Variants in SLC9A9 observed in about 807,000 individuals in gnomAD.
SLC9A9 encodes the protein sodium/hydrogen exchanger 9.
A neutral mutation model predicts 77.8 loss-of-function variants in SLC9A9; 62 were observed. That is an observed-to-expected ratio of 0.80 (90% confidence interval 0.65 to 0.98). SLC9A9 has a LOEUF of 0.98. SLC9A9 is among the 50% of genes least tolerant of loss of function. The pLI, the probability that SLC9A9 is intolerant of heterozygous loss-of-function variation, is 0.00. For missense variants in SLC9A9, 775 were observed against 774.9 expected (o/e 1.00, Z 0.00); for synonymous variants, 320 against 283.5 (o/e 1.13, Z -1.29).
At chr3:143,620,396 T>C (rs1279477731) in intron 6 of SLC9A9, 1 of 152,258 alleles carries the variant, frequency 6.6e-6, no homozygotes, top group East Asian at 1.9e-4. Flanking sequence ...AACACTCAAG[T>C]GTTAAAATTT....
intron 13 of SLC9A9, among the ~76,000 whole-genome samples, chr3:143,365,632 T>C (rs1039812366): frequency 6.6e-6 from 1 of 152,182 alleles, no homozygotes; most frequent in Non-Finnish European, 1.5e-5. Context: ...GTGCCATGCC[T>C]TGTTATCTAT....
rs995422089 is a variant in SLC9A9 at position 143,266,431 on chromosome 3, T to C, written c.*271A>G. ...CACAGCTGTCCCATCCTCCAGCAGCTAGACTCCTGATACCTCCATCCCCAC... is the reference window on the plus strand; with the variant it reads ...CACAGCTGTCCCATCCTCCAGCAGCCAGACTCCTGATACCTCCATCCCCAC... On this transcript the variant is annotated 3_prime_UTR_variant, in exon 16 of 16. Coordinates refer to ENST00000316549, the MANE Select transcript of SLC9A9 (RefSeq NM_173653.4). 7.2e-6 allele frequency: 4 copies of C among 555,074 alleles called. No individual in the cohort carries two copies. Among genetic ancestry groups the C allele is most frequent in the African/African-American group, 5.6e-5 (3 of 53,214 alleles). 34.4% of individuals were successfully genotyped at this position (555,074 alleles called of 1,614,324 possible). A position where few individuals can be genotyped will look rare whatever the true frequency, so the allele number is the denominator to read the frequency against.
intron 2 of SLC9A9, among the ~76,000 whole-genome samples, chr3:143,822,936 G>T (rs1182266010): frequency 2.0e-5 from 3 of 152,016 alleles, no homozygotes; most frequent in African/African-American, 7.3e-5. Flanking sequence ...AGACTTTTTA[G>T]CAGTTCAGTC....
At chr3:143,448,116 G>A (rs539567078) in intron 12 of SLC9A9, among the ~76,000 whole-genome samples, 1 of 152,280 alleles carries the variant, frequency 6.6e-6, no homozygotes, top group African/African-American at 2.4e-5. Context: ...AGTAGAATGT[G>A]CTTCATTGGC....
At chr3:143,698,475 G>A (rs1292063738) in intron 4 of SLC9A9, among the ~76,000 whole-genome samples, 1 of 152,042 alleles carries the variant, frequency 6.6e-6, no homozygotes, top group East Asian at 1.9e-4. Context: ...GCATAAAAGG[G>A]GATTTGGGAA....
At chr3:143,752,953 A>G (rs1204660764) in intron 4 of SLC9A9, among the ~76,000 whole-genome samples, 1 of 152,204 alleles carries the variant, frequency 6.6e-6, no homozygotes, top group African/African-American at 2.4e-5. Flanking sequence ...AGGAGTCCCT[A>G]TTGATGATCC....
intron 12 of SLC9A9, among the ~76,000 whole-genome samples, chr3:143,401,833 C>T (rs774816957): frequency 6.6e-6 from 1 of 152,120 alleles, no homozygotes; most frequent in Non-Finnish European, 1.5e-5. Context: ...GAACAGAATC[C>T]ACTTATGATG....
chr3:143,820,384 CTA>C (rs2009135733), intron 2 of SLC9A9, among the ~76,000 whole-genome samples: 1 of 152,208 alleles, frequency 6.6e-6, no homozygotes, highest in Non-Finnish European at 1.5e-5. Context: ...AGAAACTCTT[CTA>C]TGTTTTGCGT....
At chr3:143,384,432 C>T (rs1368892820) in intron 12 of SLC9A9, among the ~76,000 whole-genome samples, 2 of 152,156 alleles carry the variant, frequency 1.3e-5, no homozygotes, top group Non-Finnish European at 1.5e-5. Context: ...AACTGAGGAT[C>T]ATGGGGCTCC....
intron 13 of SLC9A9, among the ~76,000 whole-genome samples, 171 bp from the exon 14 acceptor site, chr3:143,363,734 T>C (rs911230677): frequency 3.3e-5 from 5 of 152,218 alleles, no homozygotes; most frequent in African/African-American, 1.2e-4. Context: ...CTCATAAATC[T>C]TGCTATGTGG....
chr3:143,336,594 C>T (rs1039302952), intron 14 of SLC9A9, among the ~76,000 whole-genome samples: 2 of 152,128 alleles, frequency 1.3e-5, no homozygotes, highest in African/African-American at 4.8e-5. Context: ...TCACATGCTA[C>T]AACATAGATG....
intron 14 of SLC9A9, among the ~76,000 whole-genome samples, chr3:143,316,192 T>C (rs1345060956): frequency 6.6e-6 from 1 of 152,142 alleles, no homozygotes; most frequent in African/African-American, 2.4e-5. Flanking sequence ...CACCTGTCAC[T>C]CACGAGATAA....
chr3:143,472,343 G>A (rs1288698704), intron 11 of SLC9A9, among the ~76,000 whole-genome samples: 4 of 152,184 alleles, frequency 2.6e-5, no homozygotes, highest in Admixed American at 2.0e-4. Flanking sequence ...CAAATCGTGA[G>A]CATCGTCATG....
chr3:143,629,574 T>C (rs540115170), intron 6 of SLC9A9, among the ~76,000 whole-genome samples: 55 of 143,486 alleles, frequency 3.8e-4, no homozygotes, highest in Admixed American at 6.8e-4. Context: ...TGTGTGTGCG[T>C]GTGTGTGTGT....
In SLC9A9 at chr3:143,498,793, A is replaced by G. The variant is rs114330362; in HGVS notation, c.1090-3345T>C. 8.1e-3 allele frequency among the ~76,000 whole-genome samples: 1,229 copies of G among 152,188 alleles called. 6 individuals are homozygous for G. The highest frequency in any genetic ancestry group is 0.017 in the South Asian group (84 of 4,820). The stretch of plus-strand genomic sequence containing the variant: ...CACAAATTAGCTTTTCTTGTTTTTC[A>G]GTTTTATATGAATGGAATTGGACAA... On this transcript the variant is annotated intron_variant, in intron 9 of 15. Transcript: ENST00000316549.
intron 11 of SLC9A9, among the ~76,000 whole-genome samples, chr3:143,490,752 C>T (rs2035729513): frequency 6.6e-6 from 1 of 152,074 alleles, no homozygotes; most frequent in Non-Finnish European, 1.5e-5. Context: ...CTATGAGTCT[C>T]AAAACAGTGC....
At chr3:143,393,853 G>T (rs538839643) in intron 12 of SLC9A9, among the ~76,000 whole-genome samples, 43 of 152,226 alleles carry the variant, frequency 2.8e-4, no homozygotes, top group Non-Finnish European at 2.1e-4. Flanking sequence ...AAATCTAGAA[G>T]AAATGGATAA....
At chr3:143,571,611 A>G (rs923715169) in intron 8 of SLC9A9, among the ~76,000 whole-genome samples, 2 of 129,998 alleles carry the variant, frequency 1.5e-5, no homozygotes, top group Admixed American at 1.6e-4. Context: ...AAGTTTGCCC[A>G]CTTTGATAAG....
At chr3:143,740,547 G>T in intron 4 of SLC9A9, among the ~76,000 whole-genome samples, 1 of 152,076 alleles carries the variant, frequency 6.6e-6, no homozygotes, top group Non-Finnish European at 1.5e-5. Context: ...TAAAATAAAT[G>T]CATATTTAAT....
Sources: allele counts gnomAD v4.1 joint callset (sites outside exome capture counted in the v4.1 genomes callset), GRCh38; gene constraint gnomAD v4.1.1; transcripts MANE v1.5; gene names NCBI Gene and HGNC (gene_info 2026-07-23, HGNC 2026-07-21).